MIPOL1: variants seen among roughly 807,000 people sequenced by gnomAD.
MIPOL1 encodes mirror-image polydactyly gene 1 protein.
A neutral mutation model predicts 60.9 loss-of-function variants in MIPOL1; 57 were observed. That is an observed-to-expected ratio of 0.94 (90% confidence interval 0.76 to 1.17). The LOEUF is 1.17. Among genes scored for constraint, MIPOL1 ranks in the 50% most tolerant of loss-of-function variants. MIPOL1 has a pLI of 0.00. For missense variants in MIPOL1, 551 were observed against 511.6 expected (o/e 1.08, Z -0.74); for synonymous variants, 179 against 168.8 (o/e 1.06, Z -0.47).
chr14:37,310,381 T>G (rs1468049710), intron 9 of MIPOL1, among the ~76,000 whole-genome samples: 2 of 152,126 alleles, frequency 1.3e-5, no homozygotes, highest in Non-Finnish European at 2.9e-5. Flanking sequence ...ATTTTATCTC[T>G]TCTTTCTCCT....
At chr14:37,249,568 A>T (rs1162633621) in intron 3 of MIPOL1, among the ~76,000 whole-genome samples, 2 of 152,160 alleles carry the variant, frequency 1.3e-5, no homozygotes, top group East Asian at 3.9e-4. Flanking sequence ...CAGATAGCTG[A>T]TGTAATTCTA....
intron 10 of MIPOL1, among the ~76,000 whole-genome samples, chr14:37,372,172 T>C (rs1257356831): frequency 1.3e-5 from 2 of 152,050 alleles, no homozygotes; most frequent in Non-Finnish European, 2.9e-5. Flanking sequence ...TTTATTGAAT[T>C]ACACTGAAAT....
chr14:37,211,240 A>C (rs1966839344), intron 1 of MIPOL1, among the ~76,000 whole-genome samples: 1 of 150,958 alleles, frequency 6.6e-6, no homozygotes, highest in Non-Finnish European at 1.5e-5. Context: ...CAGAAAAAAA[A>C]CACTTTCACG....
At position 37,304,876 on chromosome 14, in the gene MIPOL1, G is replaced by A. The variant is rs562045520; in HGVS notation, c.624-3180G>A. Among the ~76,000 whole-genome samples the A allele has an allele frequency of 1.7e-3, 253 of 151,736 alleles. 1 individual carries two copies. Among genetic ancestry groups the A allele is most frequent in the African/African-American group, 5.8e-3 (239 of 41,476 alleles). On this transcript the variant is annotated intron_variant, in intron 7 of 12. Transcript: ENST00000684589. The stretch of plus-strand genomic sequence containing the variant: ...GACTATGTCAAGTTAGACTGTTGTA[G>A]GCATAATTTAAAGTTTACAAAAGGT...
At chr14:37,299,018 A>G (rs576420673) in intron 7 of MIPOL1, among the ~76,000 whole-genome samples, 1 of 152,074 alleles carries the variant, frequency 6.6e-6, no homozygotes, top group South Asian at 2.1e-4. Flanking sequence ...TTGTGGCACT[A>G]TTCACAATAG....
At chr14:37,480,827 CA>C (rs1164645485) in intron 11 of MIPOL1, among the ~76,000 whole-genome samples, 1 of 151,782 alleles carries the variant, frequency 6.6e-6, no homozygotes, top group Non-Finnish European at 1.5e-5. Flanking sequence ...AACAAACAAA[CA>C]AAAAAAACCT....
Position 37,460,089 on chromosome 14 carries a change from AAATAATAATAAT to A in MIPOL1, c.1031+37158_1031+37169del, listed in dbSNP as rs139000493. Among the ~76,000 whole-genome samples the A allele has an allele frequency of 2.5e-4, 37 of 148,968 alleles. No individual in the cohort carries two copies. In the East Asian group the frequency reaches 4.4e-3, roughly 18 times the overall value. The stretch of plus-strand genomic sequence containing the variant: ...AAGACTCCATCTCAAAATAATAGTA[AAATAATAATAAT>A]AATAATAATAATAATAAAATTCTAG... On this transcript the variant is annotated intron_variant, in intron 11 of 12. Transcript: ENST00000684589.
At chr14:37,427,546 T>G (rs1276887871) in intron 11 of MIPOL1, among the ~76,000 whole-genome samples, 2 of 152,192 alleles carry the variant, frequency 1.3e-5, no homozygotes, top group East Asian at 3.9e-4. Flanking sequence ...GTTGTGCAGT[T>G]AAAATGATTA....
intron 10 of MIPOL1, among the ~76,000 whole-genome samples, chr14:37,388,627 T>C (rs1168033444): frequency 6.6e-6 from 1 of 151,656 alleles, no homozygotes. Flanking sequence ...CACCAAAATA[T>C]TTTTTTTGTG....
intron 9 of MIPOL1, among the ~76,000 whole-genome samples, chr14:37,349,517 G>A (rs1389875750): frequency 6.6e-6 from 1 of 152,060 alleles, no homozygotes; most frequent in Non-Finnish European, 1.5e-5. Context: ...ACTCAAATAT[G>A]CCAAATGTTT....
intron 11 of MIPOL1, among the ~76,000 whole-genome samples, chr14:37,429,575 A>C (rs2094023641): frequency 6.6e-6 from 1 of 152,130 alleles, no homozygotes; most frequent in African/African-American, 2.4e-5. Context: ...TTACGTGTTT[A>C]ACATAGTGAA....
chr14:37,461,289 CT>C (rs796735325), intron 11 of MIPOL1, among the ~76,000 whole-genome samples: 12 of 152,290 alleles, frequency 7.9e-5, no homozygotes, highest in African/African-American at 2.9e-4. Context: ...CAAGTCAAAT[CT>C]TATGTGGATG....
In MIPOL1 at chr14:37,308,330, CAT is replaced by C. The variant is rs1423823724; in HGVS notation, c.658-15_658-14del. 3.3e-6 allele frequency: 5 copies of C among 1,502,626 alleles called. No individual in the cohort carries two copies. The highest frequency in any genetic ancestry group is 4.4e-6 in the Non-Finnish European group (5 of 1,129,580). The allele number at this position is 1,502,626 out of a possible 1,614,324, so 93.1% of individuals were successfully genotyped here. On this transcript the variant is annotated splice_polypyrimidine_tract_variant and intron_variant, in intron 8 of 12. Coordinates refer to ENST00000684589, the MANE Select transcript of MIPOL1 (RefSeq NM_001388067.1). ...ATATTAAAACTTCATGTCTGACTAA[CAT>C]ATAATGGTGTTGGTAGACATTACAG...
At chr14:37,353,165 A>G (rs1215425440) in intron 9 of MIPOL1, among the ~76,000 whole-genome samples, 2 of 146,060 alleles carry the variant, frequency 1.4e-5, no homozygotes, top group Non-Finnish European at 3.0e-5. Flanking sequence ...TGAGATAATC[A>G]TGTGGTTTTT....
Position 37,270,489 on chromosome 14 carries a change from A to G in MIPOL1, c.457A>G (p.Lys153Glu). Residue 153 changes from lysine (K) to glutamate (E), a missense_variant, in exon 6 of 13, where the codon AAA becomes GAA. Physicochemically the swap from Lys to Glu is moderately conservative, Grantham distance 56. Transcript: ENST00000684589. Reference sequence around the variant, plus strand: ...AAAGTTTAAGCTGGAACTCCAAGAGAAAGAAACAGAAGCTAAAATTGCTGA... The same window carrying G: ...AAAGTTTAAGCTGGAACTCCAAGAGGAAGAAACAGAAGCTAAAATTGCTGA... ...KLKFKLELQE[K>E]ETEAKIAEKT... 1 of 1,601,416 alleles carries G rather than the reference A, an allele frequency of 6.2e-7. No individual in the cohort carries two copies.
At chr14:37,433,388 A>G (rs1313902304) in intron 11 of MIPOL1, among the ~76,000 whole-genome samples, 2 of 151,894 alleles carry the variant, frequency 1.3e-5, no homozygotes, top group Non-Finnish European at 2.9e-5. Flanking sequence ...AACCTCCAAC[A>G]GGCCCCGGTG....
intron 7 of MIPOL1, among the ~76,000 whole-genome samples, chr14:37,299,109 C>G (rs867172442): frequency 1.3e-5 from 2 of 152,152 alleles, no homozygotes; most frequent in South Asian, 4.1e-4. Context: ...ATGGAATACT[C>G]TGCAGCCATA....
At chr14:37,309,924 A>G (rs2087160084) in intron 9 of MIPOL1, among the ~76,000 whole-genome samples, 2 of 151,834 alleles carry the variant, frequency 1.3e-5, no homozygotes, top group Non-Finnish European at 1.5e-5. Flanking sequence ...GCTGACCTCA[A>G]GTGATCCACC....
intron 1 of MIPOL1, among the ~76,000 whole-genome samples, chr14:37,209,425 G>A (rs1355893832): frequency 6.6e-6 from 1 of 152,076 alleles, no homozygotes; most frequent in Non-Finnish European, 1.5e-5. Flanking sequence ...TTGGGAGGCC[G>A]AGGCAGGAGG....
Sources: gnomAD v4.1 joint callset for allele counts (sites outside exome capture counted in the v4.1 genomes callset) on GRCh38, gnomAD v4.1.1 for gene constraint, MANE v1.5 for transcripts, NCBI Gene and HGNC (gene_info 2026-07-23, HGNC 2026-07-21) for gene names.